Variants in PHTF2 observed in about 807,000 individuals in gnomAD.
PHTF2 encodes the protein putative homeodomain transcription factor 2.
Under a neutral mutation model 101.2 loss-of-function variants are expected in PHTF2, and 60 were observed. The ratio of observed to expected loss-of-function variants is 0.59; its 90% CI spans 0.48 to 0.73. The LOEUF is 0.73. Among genes scored for constraint, PHTF2 ranks in the 30% least tolerant of loss-of-function variants. The probability of loss-of-function intolerance (pLI) is 0.00; values close to 1 mark genes in which losing one functional copy is unlikely to be tolerated. For synonymous variants in PHTF2, 311 were observed against 307.3 expected, an observed-to-expected ratio of 1.01 and a Z score of -0.13; for missense variants, 747 against 908.7, an observed-to-expected ratio of 0.82 and a Z score of 2.29.
At chr7:77,952,854 T>C (rs973278488) in intron 18 of PHTF2, among the ~76,000 whole-genome samples, 7 of 152,200 alleles carry the variant, frequency 4.6e-5, no homozygotes, top group African/African-American at 1.7e-4. Context: ...AGCCAAGAAA[T>C]TCTCAAGTCC....
At chr7:77,954,751 G>T in intron 19 of PHTF2, 107 bp from the exon 19 acceptor site, 1 of 632,870 alleles carries the variant, frequency 1.6e-6, no homozygotes, top group Non-Finnish European at 2.8e-6. Flanking sequence ...ATTAGAAACT[G>T]CACTTGTTTG....
chr7:77,802,786 C>G (rs1010550651), intron 1 of PHTF2, among the ~76,000 whole-genome samples: 1 of 152,184 alleles, frequency 6.6e-6, no homozygotes, highest in African/African-American at 2.4e-5. Context: ...CCATCTTGGC[C>G]TACCAAAGTC....
Position 77,848,294 on chromosome 7 carries a change from A to G in PHTF2, c.46-6439A>G, listed in dbSNP as rs557498648. 7.9e-5 allele frequency among the ~76,000 whole-genome samples: 12 copies of G among 152,300 alleles called. No individual in the cohort carries two copies. In the East Asian group the frequency reaches 2.1e-3, roughly 27 times the overall value. ...TCAAGGAACCTCCGTACTGTTCTCCATAGTGGCTGTACTAATTTGCATTCC... is the reference window on the plus strand; with the variant it reads ...TCAAGGAACCTCCGTACTGTTCTCCGTAGTGGCTGTACTAATTTGCATTCC... On this transcript the variant is annotated intron_variant, in intron 2 of 19. Transcript: ENST00000416283.
chr7:77,815,852 A>G (rs761162762), intron 1 of PHTF2, among the ~76,000 whole-genome samples: 1 of 152,114 alleles, frequency 6.6e-6, no homozygotes, highest in Non-Finnish European at 1.5e-5. Context: ...TTTCTCTACT[A>G]TTGCTGTCTG....
rs372662557 is a variant in PHTF2, at chr7:77,882,838, A to G, written c.148-10770A>G. 1.8e-4 allele frequency among the ~76,000 whole-genome samples: 27 copies of G among 152,256 alleles called. 1 individual carries two copies. In the South Asian group the frequency reaches 4.8e-3, roughly 27 times the overall value. ...GTGTGACATTATCATCATAGTTTAT[A>G]TTGTGTAATTAAATGATTCATCTTC... On this transcript the variant is annotated intron_variant, in intron 3 of 19. Coordinates refer to ENST00000416283, the Ensembl canonical transcript of PHTF2.
chr7:77,910,437 G>A, intron 9 of PHTF2, 28 bp downstream of exon 8: 1 of 1,533,456 alleles, frequency 6.5e-7, no homozygotes, highest in African/African-American at 1.4e-5. Context: ...GTTTTATATG[G>A]CATAGAGATG....
In PHTF2 at chr7:77,940,509, T is replaced by C; in HGVS notation, c.1741-19T>C. On this transcript the variant is annotated intron_variant, in intron 14 of 19. Coordinates refer to ENST00000416283, the Ensembl canonical transcript of PHTF2. ...TGGTAATCTACTTGAAAATTAATCC[T>C]CATCTTAATCTTTTTTAGCGATTAC... is the stretch of plus-strand genomic sequence containing the variant. The C allele has an allele frequency of 1.9e-6, 3 of 1,566,166 alleles. No individual in the cohort carries two copies. The highest frequency in any genetic ancestry group is 2.4e-5 in the South Asian group (2 of 82,674).
chr7:77,875,212 C>T (rs1798827985), intron 3 of PHTF2, among the ~76,000 whole-genome samples: 1 of 152,030 alleles, frequency 6.6e-6, no homozygotes, highest in Non-Finnish European at 1.5e-5. Flanking sequence ...AGTCCATGAG[C>T]GTGGGATGTC....
intron 3 of PHTF2, among the ~76,000 whole-genome samples, chr7:77,889,974 T>G (rs1299160555): frequency 2.0e-5 from 3 of 151,922 alleles, no homozygotes. Flanking sequence ...GACATTTAAT[T>G]GCTGTAATTG....
chr7:77,804,369 A>G (rs1792804860), intron 1 of PHTF2, among the ~76,000 whole-genome samples: 1 of 152,166 alleles, frequency 6.6e-6, no homozygotes, highest in African/African-American at 2.4e-5. Context: ...CTTGTTGCCC[A>G]GGCGGGAGTG....
intron 17 of PHTF2, 47 bp from the exon 17 acceptor site, chr7:77,951,570 A>G: frequency 1.3e-6 from 1 of 798,906 alleles, no homozygotes; most frequent in Non-Finnish European, 2.0e-6. Flanking sequence ...TCCTTTAAAA[A>G]TGTGTATTTA....
At chr7:77,836,219 C>T (rs1795456953) in intron 1 of PHTF2, among the ~76,000 whole-genome samples, 1 of 151,484 alleles carries the variant, frequency 6.6e-6, no homozygotes, top group Non-Finnish European at 1.5e-5. Context: ...TCCTTGTCAT[C>T]TTCACACTGA....
At chr7:77,936,737 C>T (rs1805175540) in intron 12 of PHTF2, among the ~76,000 whole-genome samples, 1 of 129,490 alleles carries the variant, frequency 7.7e-6, no homozygotes, top group African/African-American at 3.4e-5. Flanking sequence ...GCAATATAAA[C>T]AAGCAAACTG....
At chr7:77,945,120 A>C (rs1364779054) in intron 16 of PHTF2, among the ~76,000 whole-genome samples, 1 of 152,192 alleles carries the variant, frequency 6.6e-6, no homozygotes, top group African/African-American at 2.4e-5. Flanking sequence ...CAGTCAGAGC[A>C]CTTGAGGTCA....
chr7:77,834,995 G>C (rs999530288), intron 1 of PHTF2, among the ~76,000 whole-genome samples: 1 of 152,122 alleles, frequency 6.6e-6, no homozygotes, highest in African/African-American at 2.4e-5. Context: ...AAAGCTGGCC[G>C]GGTGCGGTGG....
intron 3 of PHTF2, among the ~76,000 whole-genome samples, chr7:77,866,518 G>T (rs544738068): frequency 6.6e-6 from 1 of 152,132 alleles, no homozygotes; most frequent in South Asian, 2.1e-4. Flanking sequence ...AGAGTGTGGT[G>T]CAGTGGAAAG....
chr7:77,942,129 T>C (rs907211199), intron 15 of PHTF2, among the ~76,000 whole-genome samples: 1 of 152,090 alleles, frequency 6.6e-6, no homozygotes, highest in African/African-American at 2.4e-5. Context: ...CCCCTGCCCC[T>C]CCCCCTTAGT....
intron 2 of PHTF2, among the ~76,000 whole-genome samples, chr7:77,846,302 A>G (rs1352295013): frequency 6.6e-6 from 1 of 152,172 alleles, no homozygotes; most frequent in African/African-American, 2.4e-5. Context: ...ACTGGCATAG[A>G]ATGGGGCATG....
intron 1 of PHTF2, among the ~76,000 whole-genome samples, chr7:77,824,078 A>C (rs1035717630): frequency 6.6e-6 from 1 of 152,156 alleles, no homozygotes; most frequent in African/African-American, 2.4e-5. Flanking sequence ...AGGTATGACA[A>C]ATACGTTATA....
Sources: allele counts gnomAD v4.1 joint callset (sites outside exome capture counted in the v4.1 genomes callset), GRCh38; gene constraint gnomAD v4.1.1; transcripts MANE v1.5; gene names NCBI Gene and HGNC (gene_info 2026-07-23, HGNC 2026-07-21).